Variants in MEF2D observed in about 807,000 individuals in gnomAD.
MEF2D encodes the protein myocyte-specific enhancer factor 2D.
In MEF2D, 10 loss-of-function variants were observed where a neutral mutation model predicts 59.3. That is an observed-to-expected ratio of 0.17 (90% CI 0.10 to 0.29). The LOEUF is 0.29. Ranked by LOEUF, MEF2D falls within the 10% of genes least tolerant of loss-of-function variation. MEF2D has a pLI of 1.00. For synonymous variants in MEF2D, 305 were observed against 295.0 expected (o/e 1.03, Z -0.35); for missense variants, 508 against 699.4 (o/e 0.73, Z 3.09).
rs934570971 is a variant in MEF2D at position 156,483,770 on chromosome 1, G to A, written c.-138-340C>T. Among the ~76,000 whole-genome samples, 4 of 152,320 alleles carry A rather than the reference G, an allele frequency of 2.6e-5. No individual in the cohort carries two copies. In the East Asian group the frequency reaches 7.7e-4, roughly 29 times the overall value. ...ACCTGCTTGTACTATAGACACCTGG[G>A]TGCTCCAGCTGCTCCTCTGGCCTAG... On this transcript the variant is annotated intron_variant, in intron 1 of 11. Coordinates refer to ENST00000348159, the MANE Select transcript of MEF2D (RefSeq NM_005920.4).
intron 5 of MEF2D, 88 bp from the exon 6 acceptor site, chr1:156,479,434 G>A: frequency 6.6e-7 from 1 of 1,512,568 alleles, no homozygotes; most frequent in Non-Finnish European, 9.0e-7. Context: ...GGGGACCCCA[G>A]GAGGAAGAGT....
intron 2 of MEF2D, 116 bp from the exon 3 acceptor site, chr1:156,482,756 T>TCCCTGGTTTGGG: frequency 1.1e-6 from 1 of 937,566 alleles, no homozygotes; most frequent in Non-Finnish European, 1.7e-6. Context: ...ATTCTCAGTG[T>TCCCTGGTTTGGG]GACACAGCCC....
chr1:156,482,647 A>AGAAG lies in MEF2D; in HGVS notation c.55-11_55-8dup, dbSNP rs1672097244. The AGAAG allele has an allele frequency of 6.2e-7, 1 of 1,614,052 alleles. No homozygotes were observed. The highest frequency in any genetic ancestry group is 1.7e-5 in the Admixed American group (1 of 60,010). On this transcript the variant is annotated splice_polypyrimidine_tract_variant and splice_region_variant and intron_variant, in intron 2 of 11. Coordinates refer to ENST00000348159, the MANE Select transcript of MEF2D (RefSeq NM_005920.4). The stretch of plus-strand genomic sequence containing the variant: ...TCCGCTTGGTGAAAGTCACCTGCAG[A>AGAAG]GAAGGATGGGTGGGCGGCCAGATCT...
At chr1:156,496,059 A>G (rs1213744259) in intron 1 of MEF2D, among the ~76,000 whole-genome samples, 3 of 152,230 alleles carry the variant, frequency 2.0e-5, no homozygotes, top group African/African-American at 7.2e-5. Flanking sequence ...TGCAGAATCA[A>G]TGAATGCATT....
At chr1:156,492,528 A>G (rs1672868524) in intron 1 of MEF2D, among the ~76,000 whole-genome samples, 2 of 152,174 alleles carry the variant, frequency 1.3e-5, no homozygotes, top group Admixed American at 1.3e-4. Context: ...CACCTCTCCC[A>G]TATCTTCTGA....
chr1:156,499,218 C>T (rs1418111405), intron 1 of MEF2D, among the ~76,000 whole-genome samples: 1 of 152,142 alleles, frequency 6.6e-6, no homozygotes, highest in African/African-American at 2.4e-5. Context: ...TGAATTGCTG[C>T]GGAGACCCAC....
At chr1:156,478,061 C>A (rs1013693089) in intron 6 of MEF2D, among the ~76,000 whole-genome samples, 2 of 152,230 alleles carry the variant, frequency 1.3e-5, no homozygotes, top group Non-Finnish European at 2.9e-5. Flanking sequence ...CCCAGGGCCA[C>A]ACAGCTGGCT....
chr1:156,467,924 TA>T (rs1234545500), intron 11 of MEF2D, 68 bp downstream of exon 11: 24 of 1,533,814 alleles, frequency 1.6e-5, no homozygotes, highest in Non-Finnish European at 2.0e-5. Flanking sequence ...TAAAACAGGT[TA>T]GGGGGCACGC....
At chr1:156,475,817 G>C (rs1022521433) in intron 8 of MEF2D, among the ~76,000 whole-genome samples, 1 of 152,256 alleles carries the variant, frequency 6.6e-6, no homozygotes, top group Admixed American at 6.5e-5. Flanking sequence ...TCCCGTCAGG[G>C]AGTTAGGGAG....
intron 1 of MEF2D, among the ~76,000 whole-genome samples, chr1:156,488,700 G>C (rs1014797176): frequency 1.3e-5 from 2 of 152,174 alleles, no homozygotes; most frequent in African/African-American, 4.8e-5. Flanking sequence ...GGGTACCTGA[G>C]CAATATTCAA....
intron 9 of MEF2D, among the ~76,000 whole-genome samples, chr1:156,472,334 A>T (rs1242041580): frequency 6.6e-6 from 1 of 152,230 alleles, no homozygotes; most frequent in African/African-American, 2.4e-5. Context: ...CTTCTGAAGC[A>T]GCCATCTGTG....
At chr1:156,494,594 T>A (rs777590497) in intron 1 of MEF2D, among the ~76,000 whole-genome samples, 6 of 152,076 alleles carry the variant, frequency 3.9e-5, no homozygotes, top group Non-Finnish European at 7.4e-5. Flanking sequence ...CCAAAGGCAT[T>A]CCTTGCCCCC....
intron 1 of MEF2D, among the ~76,000 whole-genome samples, chr1:156,497,984 C>T (rs1341951907): frequency 1.3e-5 from 2 of 151,680 alleles, no homozygotes; most frequent in Admixed American, 1.3e-4. Flanking sequence ...CCCAAGGCCT[C>T]CTCGGGGGCC....
chr1:156,483,340 G>A lies in MEF2D; in HGVS notation c.-48C>T. The A allele has an allele frequency of 6.4e-7, 1 of 1,567,092 alleles. No individual in the cohort carries two copies. The highest frequency in any genetic ancestry group is 8.8e-7 in the Non-Finnish European group (1 of 1,137,194). ...TACGGAGGGGAGGGGCTCGCTGGGT[G>A]GTGGGTCTCGGCACACCTTACACTG... On this transcript the variant is annotated 5_prime_UTR_variant, in exon 2 of 12. Coordinates refer to ENST00000348159, the MANE Select transcript of MEF2D (RefSeq NM_005920.4).
intron 9 of MEF2D, among the ~76,000 whole-genome samples, chr1:156,470,845 G>C (rs1571219215): frequency 6.6e-6 from 1 of 152,160 alleles, no homozygotes; most frequent in Non-Finnish European, 1.5e-5. Context: ...TACAAATGAG[G>C]CAACTGCAGC....
chr1:156,475,929 T>C (rs1378416693), intron 8 of MEF2D, among the ~76,000 whole-genome samples: 1 of 152,140 alleles, frequency 6.6e-6, no homozygotes, highest in Non-Finnish European at 1.5e-5. Context: ...GCCCGTGTCA[T>C]GGACTTAAGT....
intron 1 of MEF2D, among the ~76,000 whole-genome samples, chr1:156,498,088 T>C (rs1170074215): frequency 1.6e-4 from 13 of 82,100 alleles, no homozygotes; most frequent in African/African-American, 3.7e-4. Flanking sequence ...CTATCACATC[T>C]CCCAGGAAAG....
chr1:156,478,830 T>A (rs991189229), intron 6 of MEF2D, among the ~76,000 whole-genome samples: 1 of 152,196 alleles, frequency 6.6e-6, no homozygotes, highest in Admixed American at 6.5e-5. Context: ...ATGCCCGGCC[T>A]CTTCTGTGGC....
intron 1 of MEF2D, among the ~76,000 whole-genome samples, chr1:156,485,672 A>G (rs1672311702): frequency 6.6e-6 from 1 of 150,716 alleles, no homozygotes; most frequent in South Asian, 2.1e-4. Context: ...GGTGTATGCC[A>G]CCACACCCAG....
Sources: gnomAD v4.1 joint callset for allele counts (sites outside exome capture counted in the v4.1 genomes callset) on GRCh38, gnomAD v4.1.1 for gene constraint, MANE v1.5 for transcripts, NCBI Gene and HGNC (gene_info 2026-07-23, HGNC 2026-07-21) for gene names.